FHL5: variants seen among roughly 807,000 people sequenced by gnomAD.
FHL5 encodes the protein four and a half LIM domains 5, also known as four and a half LIM domains protein 5.
FHL5 carries 33 observed loss-of-function variants against 32.0 expected under a neutral mutation model. The ratio of observed to expected loss-of-function variants is 1.03; its 90% CI spans 0.78 to 1.38. FHL5 has a LOEUF of 1.38. Among genes scored for constraint, FHL5 ranks in the 40% most tolerant of loss-of-function variants. The pLI, the probability that FHL5 is intolerant of heterozygous loss-of-function variation, is 0.00. For synonymous variants in FHL5, 114 were observed against 113.6 expected (o/e 1.00, Z -0.02); for missense variants, 336 against 343.9 (o/e 0.98, Z 0.18).
intron 1 of FHL5, among the ~76,000 whole-genome samples, chr6:96,593,626 G>A (rs1047306111): frequency 6.6e-6 from 1 of 152,100 alleles, no homozygotes; most frequent in Non-Finnish European, 1.5e-5. Flanking sequence ...TACATGGAAG[G>A]TCCATTGACC....
At chr6:96,570,120 G>C (rs1422084020) in intron 1 of FHL5, among the ~76,000 whole-genome samples, 1 of 151,956 alleles carries the variant, frequency 6.6e-6, no homozygotes, top group Non-Finnish European at 1.5e-5. Flanking sequence ...TTCACTTCCA[G>C]ATGTAAGTGA....
intron 1 of FHL5, among the ~76,000 whole-genome samples, chr6:96,575,818 T>C (rs1232093963): frequency 6.6e-6 from 1 of 152,224 alleles, no homozygotes; most frequent in East Asian, 1.9e-4. Context: ...GAGAGACTTT[T>C]AGTTAACAGA....
intron 1 of FHL5, among the ~76,000 whole-genome samples, chr6:96,585,697 A>G (rs1277966416): frequency 6.6e-6 from 1 of 152,206 alleles, no homozygotes; most frequent in Non-Finnish European, 1.5e-5. Flanking sequence ...ATTGGTATTT[A>G]GAATAAGAAT....
At chr6:96,603,568 C>T (rs1334119905) in intron 1 of FHL5, 34 bp from the exon 2 acceptor site, 1 of 1,530,364 alleles carries the variant, frequency 6.5e-7, no homozygotes, top group African/African-American at 1.4e-5. Context: ...CAAAATTCTG[C>T]TTTTATATAC....
intron 1 of FHL5, among the ~76,000 whole-genome samples, chr6:96,575,738 C>G (rs540756582): frequency 7.9e-5 from 12 of 152,102 alleles, no homozygotes; most frequent in Non-Finnish European, 1.8e-4. Context: ...CTCTTACGAT[C>G]TTTAACTCAA....
chr6:96,569,610 T>C lies in FHL5; in HGVS notation c.-13+6255T>C, dbSNP rs1244403889. 2.0e-5 allele frequency among the ~76,000 whole-genome samples: 3 copies of C among 152,014 alleles called. No individual in the cohort carries two copies. In the South Asian group the frequency reaches 6.2e-4, roughly 32 times the overall value. On this transcript the variant is annotated intron_variant, in intron 1 of 5. Coordinates refer to ENST00000450218, the MANE Select transcript of FHL5 (RefSeq NM_001322466.2). ...CTTTATAAATCTGGATGTTGTGGTA[T>C]TGGATGTGTGTATGTTTACAATTGT...
At chr6:96,604,074 C>T (rs189583623) in intron 2 of FHL5, among the ~76,000 whole-genome samples, 3 of 152,200 alleles carry the variant, frequency 2.0e-5, no homozygotes, top group East Asian at 1.9e-4. Flanking sequence ...CTCTCAGTAA[C>T]CTTCTGGGTG....
intron 1 of FHL5, among the ~76,000 whole-genome samples, chr6:96,576,091 C>T (rs1197903496): frequency 6.6e-6 from 1 of 152,172 alleles, no homozygotes; most frequent in Admixed American, 6.5e-5. Flanking sequence ...AGCTTAGGAA[C>T]CTCCACCTAC....
chr6:96,565,715 T>C (rs180713375), intron 1 of FHL5, among the ~76,000 whole-genome samples: 1 of 152,214 alleles, frequency 6.6e-6, no homozygotes, highest in Non-Finnish European at 1.5e-5. Flanking sequence ...GGTGTGGAAG[T>C]GGAGTGGAGA....
chr6:96,575,226 A>T (rs1770559810), intron 1 of FHL5, among the ~76,000 whole-genome samples: 1 of 152,206 alleles, frequency 6.6e-6, no homozygotes, highest in Admixed American at 6.5e-5. Flanking sequence ...ACATACAACA[A>T]ACAGACCAAG....
chr6:96,600,072 T>C (rs1771117903), intron 1 of FHL5, among the ~76,000 whole-genome samples: 1 of 152,214 alleles, frequency 6.6e-6, no homozygotes, highest in Non-Finnish European at 1.5e-5. Context: ...AATCTATTAA[T>C]GTTAGTGACA....
Position 96,573,812 on chromosome 6 carries a change from C to T in FHL5, c.-13+10457C>T, listed in dbSNP as rs143866974. 7.2e-3 allele frequency among the ~76,000 whole-genome samples: 1,098 copies of T among 151,880 alleles called. 7 individuals are homozygous for T. Among genetic ancestry groups the T allele is most frequent in the Non-Finnish European group, 9.6e-3 (650 of 67,956 alleles). The stretch of plus-strand genomic sequence containing the variant: ...TTGGGATTACAGGCATGAACCACCG[C>T]GTCTGGCCCAAAATATTCTAATTTT... On this transcript the variant is annotated intron_variant, in intron 1 of 5. Coordinates refer to ENST00000450218, the MANE Select transcript of FHL5 (RefSeq NM_001322466.2).
At chr6:96,576,173 C>T (rs1379763893) in intron 1 of FHL5, among the ~76,000 whole-genome samples, 1 of 152,204 alleles carries the variant, frequency 6.6e-6, no homozygotes. Flanking sequence ...TGAAGTTTTC[C>T]AGAAACTTCC....
At chr6:96,613,932 A>T (rs1771464156) in intron 5 of FHL5, among the ~76,000 whole-genome samples, 1 of 152,206 alleles carries the variant, frequency 6.6e-6, no homozygotes. Context: ...CACTCAACAA[A>T]TGCCAGCTCT....
chr6:96,615,606 C>T lies in FHL5; in HGVS notation c.692-3C>T. On this transcript the variant is annotated splice_region_variant and splice_polypyrimidine_tract_variant and intron_variant, in intron 5 of 5. Transcript: ENST00000450218. ...TTAATCTTTTTCTCCAATTCCTTTACAGGTCTCACAGGTGCCAAGTTTATC... is the reference window on the plus strand; with the variant it reads ...TTAATCTTTTTCTCCAATTCCTTTATAGGTCTCACAGGTGCCAAGTTTATC... The T allele has an allele frequency of 6.3e-7, 1 of 1,596,404 alleles. No individual in the cohort carries two copies. The highest frequency in any genetic ancestry group is 8.5e-7 in the Non-Finnish European group (1 of 1,171,826).
intron 5 of FHL5, among the ~76,000 whole-genome samples, chr6:96,614,516 A>G (rs1057249164): frequency 3.9e-5 from 6 of 152,204 alleles, no homozygotes; most frequent in African/African-American, 1.4e-4. Context: ...TCATTATCCT[A>G]TTTAAGAAGA....
intron 1 of FHL5, among the ~76,000 whole-genome samples, chr6:96,574,948 T>C (rs1411321660): frequency 1.3e-5 from 2 of 152,126 alleles, no homozygotes; most frequent in African/African-American, 4.8e-5. Context: ...AAAAAGCTAA[T>C]AAACTTTAAA....
intron 1 of FHL5, among the ~76,000 whole-genome samples, chr6:96,600,173 C>T (rs1771119885): frequency 6.6e-6 from 1 of 152,180 alleles, no homozygotes; most frequent in Non-Finnish European, 1.5e-5. Context: ...TTACCTTCTG[C>T]CTGCTCCATC....
At chr6:96,580,778 G>T (rs1334170146) in intron 1 of FHL5, among the ~76,000 whole-genome samples, 1 of 152,136 alleles carries the variant, frequency 6.6e-6, no homozygotes, top group East Asian at 1.9e-4. Context: ...ATAGCTGAAA[G>T]TTCTTCCTAA....
Sources: allele counts gnomAD v4.1 joint callset (sites outside exome capture counted in the v4.1 genomes callset), GRCh38; gene constraint gnomAD v4.1.1; transcripts MANE v1.5; gene names NCBI Gene and HGNC (gene_info 2026-07-23, HGNC 2026-07-21).